The following KLHL32 variants were observed in gnomAD, a reference collection of about 807,000 sequenced individuals.
The protein encoded by KLHL32 is kelch-like protein 32.
A neutral mutation model predicts 64.8 loss-of-function variants in KLHL32; 35 were observed. The observed-to-expected ratio is 0.54, with a 90% CI of 0.41 to 0.72. The LOEUF (loss-of-function observed/expected upper bound fraction) is 0.72. Ranked by LOEUF, KLHL32 falls within the 30% of genes least tolerant of loss-of-function variation. KLHL32 has a pLI of 0.00. For synonymous variants in KLHL32, 259 were observed against 281.0 expected (o/e 0.92, Z 0.78); for missense variants, 589 against 768.5 (o/e 0.77, Z 2.76).
intron 3 of KLHL32, among the ~76,000 whole-genome samples, chr6:96,997,754 A>G (rs1003390301): frequency 1.3e-5 from 2 of 152,108 alleles, no homozygotes; most frequent in African/African-American, 4.8e-5. Flanking sequence ...AACAAAAAAA[A>G]CCATACAAGA....
At chr6:96,902,009 C>T in the KLHL32 span, among the ~76,000 whole-genome samples, 31 of 152,258 alleles carry the variant, frequency 2.0e-4, no homozygotes, top group African/African-American at 7.0e-4. Flanking sequence ...GATTCCATGT[C>T]TTTGCTATTG....
At chr6:96,939,040 A>G (rs1770957316) in intron 1 of KLHL32, among the ~76,000 whole-genome samples, 1 of 152,086 alleles carries the variant, frequency 6.6e-6, no homozygotes, top group African/African-American at 2.4e-5. Context: ...TTTGACCACC[A>G]TCTACATTTT....
At chr6:97,036,130 C>T (rs1036690132) in intron 3 of KLHL32, among the ~76,000 whole-genome samples, 2 of 151,944 alleles carry the variant, frequency 1.3e-5, no homozygotes, top group African/African-American at 2.4e-5. Flanking sequence ...AGTTCTCTGT[C>T]GCATTTTTTT....
chr6:96,928,872 G>A (rs564769682), intron 1 of KLHL32, among the ~76,000 whole-genome samples: 7 of 152,286 alleles, frequency 4.6e-5, no homozygotes, highest in South Asian at 2.1e-4. Context: ...TTTTAAGGTT[G>A]CATATACTTT....
intron 10 of KLHL32, among the ~76,000 whole-genome samples, chr6:97,136,009 T>C (rs1799964655): frequency 6.6e-6 from 1 of 152,180 alleles, no homozygotes; most frequent in African/African-American, 2.4e-5. Context: ...TACAGAAGCA[T>C]AGTGGGGAAA....
intron 3 of KLHL32, among the ~76,000 whole-genome samples, chr6:97,023,091 C>T (rs1295114016): frequency 1.3e-5 from 2 of 152,156 alleles, no homozygotes; most frequent in African/African-American, 4.8e-5. Flanking sequence ...CCCACCAGGT[C>T]TCTCCCTTGA....
the KLHL32 span, among the ~76,000 whole-genome samples, chr6:96,913,753 C>T: frequency 2.0e-5 from 3 of 152,268 alleles, no homozygotes; most frequent in Non-Finnish European, 2.9e-5. Context: ...GCCAGGCTTT[C>T]CCTTAACATA....
chr6:97,122,793 A>T (rs1798499535), intron 7 of KLHL32, among the ~76,000 whole-genome samples: 1 of 152,234 alleles, frequency 6.6e-6, no homozygotes, highest in Admixed American at 6.5e-5. Flanking sequence ...GAGGAAGCTG[A>T]GCATGGCTGT....
At chr6:96,989,284 C>A (rs1777554349) in intron 3 of KLHL32, among the ~76,000 whole-genome samples, 1 of 152,078 alleles carries the variant, frequency 6.6e-6, no homozygotes, top group Non-Finnish European at 1.5e-5. Flanking sequence ...CTATGTTAAG[C>A]CAGGTCTGTT....
intron 1 of KLHL32, among the ~76,000 whole-genome samples, chr6:96,953,487 G>A (rs533749890): frequency 6.6e-5 from 10 of 152,020 alleles, no homozygotes; most frequent in African/African-American, 1.5e-4. Context: ...AAAATTAGCC[G>A]GGTGTGGTGG....
rs970805694 is a variant in KLHL32, at chr6:97,111,882, C to T, written c.628-1901C>T. Among the ~76,000 whole-genome samples the T allele has an allele frequency of 2.6e-5, 4 of 152,178 alleles. No individual in the cohort carries two copies. The East Asian group carries it at 5.8e-4, about 22-fold the overall frequency. On this transcript the variant is annotated intron_variant, in intron 6 of 10. Transcript: ENST00000369261. The stretch of plus-strand genomic sequence containing the variant: ...TCTGGCCATCCCCTGTTGGACTCCT[C>T]TCTGAAGCTATGCTGTCAAGCTGTC...
chr6:97,090,482 AATC>A (rs1286496217), intron 6 of KLHL32, among the ~76,000 whole-genome samples: 1 of 152,206 alleles, frequency 6.6e-6, no homozygotes, highest in East Asian at 1.9e-4. Context: ...AGTTTGAATT[AATC>A]ATTTTCTTCA....
intron 4 of KLHL32, among the ~76,000 whole-genome samples, chr6:97,046,916 C>T (rs1207049009): frequency 6.6e-6 from 1 of 152,080 alleles, no homozygotes; most frequent in Admixed American, 6.6e-5. Flanking sequence ...AGTGTATCTG[C>T]CTATAGCTAT....
At chr6:97,112,134 T>A (rs536107299) in intron 6 of KLHL32, among the ~76,000 whole-genome samples, 8 of 152,222 alleles carry the variant, frequency 5.3e-5, no homozygotes, top group Non-Finnish European at 8.8e-5. Context: ...GGCTTGAGGG[T>A]GGGGCCCTCA....
intron 3 of KLHL32, among the ~76,000 whole-genome samples, chr6:97,022,036 T>C (rs775546858): frequency 1.3e-4 from 20 of 150,928 alleles, no homozygotes; most frequent in Non-Finnish European, 2.5e-4. Context: ...ACTACCATTA[T>C]GTTTTGCCTG....
intron 2 of KLHL32, among the ~76,000 whole-genome samples, chr6:96,972,556 T>C (rs1562203843): frequency 6.6e-6 from 1 of 152,224 alleles, no homozygotes; most frequent in African/African-American, 2.4e-5. Flanking sequence ...CTGATGAATT[T>C]TGAGGTGGCA....
intron 6 of KLHL32, 53 bp downstream of exon 6, chr6:97,085,394 G>A (rs972136218): frequency 4.1e-6 from 6 of 1,465,736 alleles, no homozygotes; most frequent in Non-Finnish European, 5.7e-6. Flanking sequence ...TGCCGTGATT[G>A]GAAGTTAAAG....
chr6:96,997,558 G>A (rs1778544189), intron 3 of KLHL32, among the ~76,000 whole-genome samples: 1 of 151,944 alleles, frequency 6.6e-6, no homozygotes, highest in Non-Finnish European at 1.5e-5. Flanking sequence ...GACCAGCTTG[G>A]ACAGCATAGT....
At chr6:96,978,538 C>CA (rs1261120579) in intron 3 of KLHL32, among the ~76,000 whole-genome samples, 2 of 152,144 alleles carry the variant, frequency 1.3e-5, no homozygotes, top group African/African-American at 4.8e-5. Context: ...TTTATCCTGT[C>CA]TACCACTGAT....
Sources: allele counts gnomAD v4.1 joint callset (sites outside exome capture counted in the v4.1 genomes callset), GRCh38; gene constraint gnomAD v4.1.1; transcripts MANE v1.5; gene names NCBI Gene and HGNC (gene_info 2026-07-23, HGNC 2026-07-21).